Variants in MACROD2 observed in about 807,000 individuals in gnomAD.
MACROD2 encodes the protein mono-ADP ribosylhydrolase 2, also known as ADP-ribose glycohydrolase MACROD2.
MACROD2 carries 36 observed loss-of-function variants against 70.4 expected under a neutral mutation model. The observed-to-expected ratio is 0.51, with a 90% CI of 0.39 to 0.68. The LOEUF is 0.68. Among genes scored for constraint, MACROD2 ranks in the 30% least tolerant of loss-of-function variants. MACROD2 has a pLI of 0.00. For synonymous variants in MACROD2, 172 were observed against 178.8 expected, an observed-to-expected ratio of 0.96 and a Z score of 0.30; for missense variants, 496 against 538.4, an observed-to-expected ratio of 0.92 and a Z score of 0.78.
intron 8 of MACROD2, among the ~76,000 whole-genome samples, chr20:15,539,301 G>A (rs1407214535): frequency 1.3e-5 from 2 of 152,212 alleles, no homozygotes; most frequent in Non-Finnish European, 1.5e-5. Context: ...TGACAAGAAG[G>A]AGCATGTGGG....
chr20:15,431,073 A>T (rs970673351), intron 6 of MACROD2, among the ~76,000 whole-genome samples: 4 of 152,036 alleles, frequency 2.6e-5, no homozygotes, highest in African/African-American at 9.7e-5. Context: ...TTAGAAAGGG[A>T]TGAGTTCTGA....
chr20:15,899,953 T>C (rs940959499), intron 10 of MACROD2, among the ~76,000 whole-genome samples: 1 of 152,174 alleles, frequency 6.6e-6, no homozygotes, highest in Non-Finnish European at 1.5e-5. Context: ...TCTGAATACA[T>C]GAACCATTTA....
At chr20:15,642,190 G>A (rs529477428) in intron 8 of MACROD2, among the ~76,000 whole-genome samples, 2 of 152,292 alleles carry the variant, frequency 1.3e-5, no homozygotes, top group South Asian at 4.1e-4. Flanking sequence ...TAGAAGTTTT[G>A]AAATCAGTGT....
At chr20:14,700,522 G>GTTGTGTGT (rs1555817948) in intron 5 of MACROD2, among the ~76,000 whole-genome samples, 129 of 111,462 alleles carry the variant, frequency 1.2e-3, no homozygotes, top group Middle Eastern at 9.6e-3. Context: ...GACATATGGT[G>GTTGTGTGT]GTGTGTGTGT....
rs148433722 is a variant in MACROD2 at position 14,580,268 on chromosome 20, T to A, written c.301+86760T>A. Among the ~76,000 whole-genome samples, 14 of 152,290 alleles carry A rather than the reference T, an allele frequency of 9.2e-5. No individual in the cohort carries two copies. The East Asian group carries it at 2.3e-3, about 25-fold the overall frequency. On this transcript the variant is annotated intron_variant, in intron 4 of 17. Coordinates refer to ENST00000684519, the MANE Select transcript of MACROD2 (RefSeq NM_001351661.2). ...TAATTGCTGAGCAAAATCCCGATCA[T>A]CCCTGGGTAGTTATAGCACTAAGAG... is the stretch of plus-strand genomic sequence containing the variant.
At chr20:15,712,251 A>G (rs1016390553) in intron 8 of MACROD2, among the ~76,000 whole-genome samples, 4 of 152,246 alleles carry the variant, frequency 2.6e-5, no homozygotes, top group Admixed American at 2.0e-4. Context: ...TCAACTGCTC[A>G]ACTCTGTGTT....
intron 3 of MACROD2, among the ~76,000 whole-genome samples, chr20:14,251,896 T>C (rs2082015773): frequency 6.6e-6 from 1 of 152,092 alleles, no homozygotes; most frequent in Non-Finnish European, 1.5e-5. Flanking sequence ...ATTTACCTTC[T>C]TGGGAACTTC....
chr20:14,004,514 A>G (rs2052783509), intron 2 of MACROD2, among the ~76,000 whole-genome samples: 3 of 152,286 alleles, frequency 2.0e-5, no homozygotes, highest in Admixed American at 1.3e-4. Flanking sequence ...TTTTTCATGA[A>G]GTGGAATGGC....
At chr20:15,848,503 T>G (rs140641433) in intron 8 of MACROD2, among the ~76,000 whole-genome samples, 245 of 152,310 alleles carry the variant, frequency 1.6e-3, no homozygotes, top group African/African-American at 5.8e-3. Context: ...AATAAAATTT[T>G]GTAGGGGGCA....
intron 5 of MACROD2, among the ~76,000 whole-genome samples, chr20:14,726,562 G>C (rs1357044647): frequency 6.6e-6 from 1 of 152,184 alleles, no homozygotes; most frequent in Non-Finnish European, 1.5e-5. Context: ...AATGGAAATA[G>C]TAAAATGTTT....
chr20:14,320,363 G>A (rs2082647949), intron 3 of MACROD2, among the ~76,000 whole-genome samples: 1 of 152,042 alleles, frequency 6.6e-6, no homozygotes, highest in African/African-American at 2.4e-5. Context: ...ATACTGCATA[G>A]CCGTCTAACT....
chr20:14,099,405 T>C (rs1601222395), intron 3 of MACROD2, among the ~76,000 whole-genome samples: 1 of 152,230 alleles, frequency 6.6e-6, no homozygotes, highest in East Asian at 1.9e-4. Flanking sequence ...TGCCTGTTTT[T>C]GTATTTCAGG....
In MACROD2 at chr20:13,995,959, ACACGCGCACACT is replaced by A; in HGVS notation, c.46+152_46+163del. 1 of 865,896 alleles carries A rather than the reference ACACGCGCACACT, an allele frequency of 1.2e-6. No homozygotes were observed. The highest frequency in any genetic ancestry group is 1.7e-5 in the South Asian group (1 of 57,868). 53.6% of individuals were successfully genotyped at this position (865,896 alleles called of 1,614,324 possible). On this transcript the variant is annotated intron_variant, in intron 1 of 17. Coordinates refer to ENST00000684519, the MANE Select transcript of MACROD2 (RefSeq NM_001351661.2). This position sits in a 1 kb window ranked among gnomAD's most constrained non-coding sequence, Gnocchi z 4.3. Reference sequence around the variant, plus strand: ...GCCTCCCTCCGGTGTCCGTGTGTACACACGCGCACACTCGCGCGCACTCCGGCGTGCACGCGC... The same window carrying A: ...GCCTCCCTCCGGTGTCCGTGTGTACACGCGCGCACTCCGGCGTGCACGCGC...
At chr20:14,738,362 C>T (rs2123714713) in intron 5 of MACROD2, among the ~76,000 whole-genome samples, 1 of 152,182 alleles carries the variant, frequency 6.6e-6, no homozygotes, top group East Asian at 1.9e-4. Flanking sequence ...TTGGTGATCG[C>T]CTTATACTTC....
Position 14,137,432 on chromosome 20 carries a change from T to C in MACROD2, c.271+51704T>C, listed in dbSNP as rs143332519. On this transcript the variant is annotated intron_variant, in intron 3 of 17. Coordinates refer to ENST00000684519, the MANE Select transcript of MACROD2 (RefSeq NM_001351661.2). ...TTCATGTTACTAACCAGCATCCTTT[T>C]GTTTCAGCTTGAAGAACTCCCTTTA... is the stretch of plus-strand genomic sequence containing the variant. 1.1e-3 allele frequency among the ~76,000 whole-genome samples: 165 copies of C among 152,324 alleles called. 1 individual carries two copies. The highest frequency in any genetic ancestry group is 3.4e-3 in the Middle Eastern group (1 of 294).
chr20:15,023,765 C>T (rs886336214), intron 5 of MACROD2, among the ~76,000 whole-genome samples: 4 of 152,102 alleles, frequency 2.6e-5, no homozygotes, highest in African/African-American at 9.7e-5. Flanking sequence ...AGATTCGCTC[C>T]TATGACGTGG....
chr20:14,584,310 T>C (rs1413698338), intron 4 of MACROD2, among the ~76,000 whole-genome samples: 5 of 152,184 alleles, frequency 3.3e-5, no homozygotes, highest in Non-Finnish European at 5.9e-5. Context: ...ACCAATTTTG[T>C]ATTAAGCTAA....
chr20:14,454,595 C>CT (rs1424899686), intron 3 of MACROD2, among the ~76,000 whole-genome samples: 1 of 151,176 alleles, frequency 6.6e-6, no homozygotes, highest in African/African-American at 2.4e-5. Context: ...TAGAACCAGG[C>CT]TTTTTTTTCT....
chr20:15,772,022 T>C (rs988565571), intron 8 of MACROD2, among the ~76,000 whole-genome samples: 3 of 144,646 alleles, frequency 2.1e-5, no homozygotes, highest in South Asian at 2.2e-4. Flanking sequence ...GAGGCAGAGC[T>C]TGCAGTGAGC....
Sources: allele counts gnomAD v4.1 joint callset (sites outside exome capture counted in the v4.1 genomes callset), GRCh38; gene constraint gnomAD v4.1.1; non-coding constraint Gnocchi (gnomAD v3.1); transcripts MANE v1.5; gene names NCBI Gene and HGNC (gene_info 2026-07-23, HGNC 2026-07-21).